TUG1: variants seen among roughly 807,000 people sequenced by gnomAD.
TUG1 encodes taurine upregulated gene 1.
exon 3 of TUG1, chr22:30,976,522 A>C (rs1167756188): frequency 1.3e-5 from 2 of 152,200 alleles, no homozygotes; most frequent in Non-Finnish European, 1.5e-5. Context: ...TTTTAGTGGA[A>C]CCACATCAGT....
chr22:30,978,613 G>A (rs535060644), exon 3 of TUG1: 1 of 152,332 alleles, frequency 6.6e-6, no homozygotes, highest in Non-Finnish European at 1.5e-5. Context: ...CTGAACTGTG[G>A]AGGAGAAGCT....
rs183089049 is a variant in TUG1, at chr22:30,975,150, A to G, written c.*2695-20A>G. On this transcript the variant is annotated intron_variant, in intron 2 of 2. Transcript: ENST00000644773. Reference sequence around the variant, plus strand: ...TTGCTTACAGTTTCTGCTTTCTGTGACCTATTTTTTGTATTTCAGCATTTT... The same window carrying G: ...TTGCTTACAGTTTCTGCTTTCTGTGGCCTATTTTTTGTATTTCAGCATTTT... The G allele has an allele frequency of 2.6e-5, 4 of 152,246 alleles. No individual in the cohort carries two copies. The highest frequency in any genetic ancestry group is 1.9e-4 in the East Asian group (1 of 5,188). 9.4% of individuals were successfully genotyped at this position (152,246 alleles called of 1,614,324 possible).
At chr22:30,976,833 A>C (rs374582207) in exon 3 of TUG1, 26 of 152,350 alleles carry the variant, frequency 1.7e-4, no homozygotes, top group East Asian at 1.5e-3. Context: ...CTCTAGGCCA[A>C]TTGTGATTAC....
At chr22:30,973,762 GT>G (rs1441325051) in intron 2 of TUG1, 175 bp downstream of exon 2, 15 of 152,314 alleles carry the variant, frequency 9.8e-5, no homozygotes, top group African/African-American at 3.6e-4. Flanking sequence ...AGCTGTGAAA[GT>G]GGTAGAGGCC....
chr22:30,975,053 C>G (rs1370644531), intron 2 of TUG1, 117 bp from the exon 3 acceptor site: 1 of 152,228 alleles, frequency 6.6e-6, no homozygotes, highest in African/African-American at 2.4e-5. Context: ...CAGATGAGTT[C>G]TAACTCCATC....
chr22:30,973,332 G>A (rs1433671459), exon 2 of TUG1: 1 of 152,158 alleles, frequency 6.6e-6, no homozygotes, highest in Non-Finnish European at 1.5e-5. Context: ...GAACATCTAG[G>A]ATCCCGTGAA....
chr22:30,969,964 C>G (rs960278294), exon 1 of TUG1: 2 of 152,244 alleles, frequency 1.3e-5, no homozygotes, highest in African/African-American at 4.8e-5. Flanking sequence ...CCTCAGTTTC[C>G]TCCTCTGCCT....
chr22:30,975,953 T>C (rs901241240), exon 3 of TUG1: 1 of 152,124 alleles, frequency 6.6e-6, no homozygotes, highest in Admixed American at 6.6e-5. Flanking sequence ...TCATTCGTCT[T>C]CTTTTCCAAA....
At chr22:30,969,634 A>AGGCGGC (rs900041888) in exon 1 of TUG1, 2 of 149,062 alleles carry the variant, frequency 1.3e-5, no homozygotes, top group African/African-American at 5.0e-5. Flanking sequence ...GCTCCGGGGG[A>AGGCGGC]GGCGGCGGCG....
chr22:30,975,481 A>G (rs1307094577), exon 3 of TUG1: 1 of 152,228 alleles, frequency 6.6e-6, no homozygotes, highest in Non-Finnish European at 1.5e-5. Context: ...AGCACAGTTC[A>G]TGTTCAGTAG....
chr22:30,976,181 C>T (rs2041286622), exon 3 of TUG1: 1 of 151,976 alleles, frequency 6.6e-6, no homozygotes, highest in Non-Finnish European at 1.5e-5. Flanking sequence ...AAGCGACAAT[C>T]TTTGAACACC....
At chr22:30,971,316 C>T (rs536320645) in exon 1 of TUG1, 2 of 152,278 alleles carry the variant, frequency 1.3e-5, no homozygotes, top group Admixed American at 1.3e-4. Context: ...GGTCTTTTTG[C>T]TCTTTTGTAA....
exon 1 of TUG1, chr22:30,971,510 C>CT (rs1332004947): frequency 6.6e-6 from 1 of 152,646 alleles, no homozygotes; most frequent in Non-Finnish European, 1.5e-5. Flanking sequence ...GAGCAGATAA[C>CT]TTTCAGTGTA....
At chr22:30,976,078 A>AG (rs1358005956) in exon 3 of TUG1, 74 of 152,194 alleles carry the variant, frequency 4.9e-4, no homozygotes, top group African/African-American at 1.2e-3. Context: ...AAAAAAAAAA[A>AG]AAAGGCTGAA....
intron 1 of TUG1, 173 bp from the exon 2 acceptor site, chr22:30,972,682 T>A (rs2041244673): frequency 6.5e-6 from 1 of 152,686 alleles, no homozygotes; most frequent in Admixed American, 6.5e-5. Flanking sequence ...GTGTTTTCTT[T>A]TTTGGATTGC....
At chr22:30,975,883 G>A (rs1485374210) in exon 3 of TUG1, 2 of 152,120 alleles carry the variant, frequency 1.3e-5, no homozygotes, top group Non-Finnish European at 2.9e-5. Flanking sequence ...GTGTGCAAGA[G>A]ATAACTATGA....
exon 1 of TUG1, chr22:30,969,580 G>A (rs1324282908): frequency 1.3e-5 from 2 of 152,426 alleles, no homozygotes; most frequent in Non-Finnish European, 2.9e-5. Context: ...ATTCGACGAG[G>A]AGTCGTCCGG....
chr22:30,976,776 A>G (rs1053611988), exon 3 of TUG1: 1 of 152,220 alleles, frequency 6.6e-6, no homozygotes, highest in African/African-American at 2.4e-5. Context: ...ACTCGAATGA[A>G]TGCACTGGTT....
At chr22:30,969,543 A>G in exon 1 of TUG1, 1 of 151,620 alleles carries the variant, frequency 6.6e-6, no homozygotes, top group Non-Finnish European at 1.5e-5. Context: ...CGTACGCAGA[A>G]CTCGGGCGGC....
Sources: gnomAD v4.1 joint callset for allele counts on GRCh38, gnomAD v4.1.1 for gene constraint, MANE v1.5 for transcripts, NCBI Gene and HGNC (gene_info 2026-07-23, HGNC 2026-07-21) for gene names.